Variants in SAMHD1 observed in about 807,000 individuals in gnomAD.
The protein encoded by SAMHD1 is SAM and HD domain containing deoxynucleoside triphosphate triphosphohydrolase 1.
SAMHD1 carries 54 observed loss-of-function variants against 79.6 expected under a neutral mutation model. That is an observed-to-expected ratio of 0.68 (90% CI 0.55 to 0.85). SAMHD1 has a LOEUF of 0.85. Among genes scored for constraint, SAMHD1 ranks in the 40% least tolerant of loss-of-function variants. The probability of loss-of-function intolerance (pLI) is 0.00; values close to 1 mark genes in which losing one functional copy is unlikely to be tolerated. For missense variants in SAMHD1, 663 were observed against 782.7 expected, an observed-to-expected ratio of 0.85 and a Z score of 1.82; for synonymous variants, 260 against 264.1, an observed-to-expected ratio of 0.98 and a Z score of 0.15.
At chr20:36,942,702 A>G (rs1354175247) in intron 2 of SAMHD1, among the ~76,000 whole-genome samples, 3 of 151,654 alleles carry the variant, frequency 2.0e-5, no homozygotes, top group Non-Finnish European at 2.9e-5. Flanking sequence ...GCTGGAGTGC[A>G]GTGACGTGAT....
At chr20:36,927,313 C>CA in intron 5 of SAMHD1, 61 bp from the exon 6 acceptor site, 1 of 1,187,534 alleles carries the variant, frequency 8.4e-7, no homozygotes, top group Non-Finnish European at 1.2e-6. Context: ...AAAACTTTTT[C>CA]CTTTTTTTTT....
Position 36,951,669 on chromosome 20 carries a change from A to T in SAMHD1, c.-26T>A. ...GGCTACACCTGGCGTCCGGCACAGC[A>T]GTCAAGAACCTCGGCGCCGGACCCG... On this transcript the variant is annotated 5_prime_UTR_variant, in exon 1 of 16. Transcript: ENST00000646673. 6.2e-7 allele frequency: 1 copy of T among 1,612,012 alleles called. No individual in the cohort carries two copies. The highest frequency in any genetic ancestry group is 8.5e-7 in the Non-Finnish European group (1 of 1,179,940).
chr20:36,908,121 C>A (rs1347613964), intron 11 of SAMHD1, among the ~76,000 whole-genome samples: 1 of 152,114 alleles, frequency 6.6e-6, no homozygotes, highest in Non-Finnish European at 1.5e-5. Context: ...AGTGATCCAC[C>A]TGCCTCAGCC....
chr20:36,894,911 C>T (rs1192707218), intron 15 of SAMHD1, among the ~76,000 whole-genome samples: 1 of 151,978 alleles, frequency 6.6e-6, no homozygotes, highest in Non-Finnish European at 1.5e-5. Context: ...CTTGCTCTAT[C>T]AACCAGGCTG....
At chr20:36,928,038 A>T (rs1048110003) in intron 5 of SAMHD1, among the ~76,000 whole-genome samples, 4 of 152,218 alleles carry the variant, frequency 2.6e-5, no homozygotes, top group African/African-American at 9.6e-5. Context: ...TTAATGCCAA[A>T]AACTTTTTGA....
At position 36,919,640 on chromosome 20, in the gene SAMHD1, C is replaced by T. The variant is rs2063494328; in HGVS notation, c.697-121G>A. On this transcript the variant is annotated intron_variant, in intron 6 of 15. Transcript: ENST00000646673. ...TAAAGGTCTATTGCATATTAATTCTCTAGTTTCTAACCACAATCTTAGGAA... is the reference window on the plus strand; with the variant it reads ...TAAAGGTCTATTGCATATTAATTCTTTAGTTTCTAACCACAATCTTAGGAA... The T allele has an allele frequency of 5.6e-6, 5 of 897,876 alleles. No homozygotes were observed. In the East Asian group the frequency reaches 1.3e-4, roughly 24 times the overall value. The allele number at this position is 897,876 out of a possible 1,614,324, so 55.6% of individuals were successfully genotyped here. A position where few individuals can be genotyped will look rare whatever the true frequency, so the allele number is the denominator to read the frequency against.
In SAMHD1 at chr20:36,935,072, CAT is replaced by C; in HGVS notation, c.464_465del (p.Tyr155CysfsTer11). 2 of 1,614,148 alleles carry C rather than the reference CAT, an allele frequency of 1.2e-6. No homozygotes were observed. Among genetic ancestry groups the C allele is most frequent in the Non-Finnish European group, 1.7e-6 (2 of 1,180,036 alleles). On this transcript the variant is annotated frameshift_variant, in exon 4 of 16. Transcript: ENST00000646673. LOFTEE classifies it high-confidence loss of function. Reference protein sequence around the residue: ...RYIKQLGGGYYVFPGASHNRF... With the variant: ...RYIKQLGGGYXVFPGASHNRF... The stretch of plus-strand genomic sequence containing the variant: ...CGATTGTGTGAAGCTCCTGGAAAAA[CAT>C]AGTAACCACCTCCCAGCTGTTTGAT...
Position 36,910,711 on chromosome 20 carries a change from C to T in SAMHD1, c.1270+507G>A, listed in dbSNP as rs1419683002. 2.8e-5 allele frequency among the ~76,000 whole-genome samples: 4 copies of T among 143,960 alleles called. No individual in the cohort carries two copies. In the Admixed American group the frequency reaches 2.9e-4, roughly 10 times the overall value. The allele number at this position is 143,960 out of a possible 152,430, so 94.4% of individuals were successfully genotyped here. ...TGCCAGTGCACTCCAGCCTAGGTGA[C>T]AGAGCGAGACTCCATCTCCAAAAAA... On this transcript the variant is annotated intron_variant, in intron 11 of 15. Transcript: ENST00000646673.
chr20:36,941,808 C>T (rs1427432496), intron 2 of SAMHD1, among the ~76,000 whole-genome samples: 1 of 152,032 alleles, frequency 6.6e-6, no homozygotes, highest in African/African-American at 2.4e-5. Context: ...CTACATTGGC[C>T]TCTATGGTAC....
At chr20:36,932,007 C>A (rs576165285) in intron 4 of SAMHD1, among the ~76,000 whole-genome samples, 2 of 151,758 alleles carry the variant, frequency 1.3e-5, no homozygotes, top group Admixed American at 6.6e-5. Context: ...GGGCCGGGTG[C>A]GGTGGCTTAT....
At chr20:36,923,676 G>A (rs543469592) in intron 6 of SAMHD1, among the ~76,000 whole-genome samples, 113 of 152,230 alleles carry the variant, frequency 7.4e-4, no homozygotes, top group African/African-American at 2.5e-3. Context: ...ATACCCAGGT[G>A]TGACGGTGCA....
At chr20:36,897,541 G>T in intron 15 of SAMHD1, 1 of 470,272 alleles carries the variant, frequency 2.1e-6, no homozygotes, top group South Asian at 2.1e-5. Context: ...ACCTTCCAGG[G>T]CCACTGGTGA....
Position 36,911,325 on chromosome 20 carries a change from T to A in SAMHD1, c.1163A>T (p.Asp388Val). The A allele has an allele frequency of 6.2e-7, 1 of 1,604,558 alleles. No homozygotes were observed. Among genetic ancestry groups the A allele is most frequent in the Non-Finnish European group, 8.5e-7 (1 of 1,173,472 alleles). The change falls in exon 11 of 16, where the codon GAT becomes GTT. Residue 388 changes from aspartate to valine, a missense_variant. By Grantham distance (152) the Asp-to-Val change is radical. Transcript: ENST00000646673. ...VGNIIDTMIT[D>V]AFLKADDYIE... ...GTAGTCATCTGCTTTGAGGAAAGCA[T>A]CTGTAATCCTAAAAATCATTTTGCA...
chr20:36,921,406 A>AAC (rs1555834627), intron 6 of SAMHD1, among the ~76,000 whole-genome samples: 3 of 151,752 alleles, frequency 2.0e-5, no homozygotes, highest in East Asian at 1.9e-4. Flanking sequence ...AAAAAAAAAA[A>AAC]AAAAAACGAA....
chr20:36,945,552 C>T (rs1360567872), intron 2 of SAMHD1, among the ~76,000 whole-genome samples: 1 of 152,114 alleles, frequency 6.6e-6, no homozygotes, highest in Non-Finnish European at 1.5e-5. Context: ...TTGGTCACTA[C>T]AAACTTGATG....
intron 3 of SAMHD1, among the ~76,000 whole-genome samples, chr20:36,938,541 A>G (rs1395356785): frequency 6.6e-6 from 1 of 151,904 alleles, no homozygotes; most frequent in African/African-American, 2.4e-5. Flanking sequence ...CTCCCTCTCA[A>G]AACAACAAAA....
chr20:36,931,343 T>C (rs1205467887), intron 4 of SAMHD1, among the ~76,000 whole-genome samples: 3 of 152,156 alleles, frequency 2.0e-5, no homozygotes, highest in Non-Finnish European at 2.9e-5. Context: ...AAAGTAGGTC[T>C]TGAAAAGATT....
Position 36,951,631 on chromosome 20 carries a change from C to T in SAMHD1, c.13G>A (p.Asp5Asn). 6.2e-7 allele frequency: 1 copy of T among 1,613,720 alleles called. No homozygotes were observed. The highest frequency in any genetic ancestry group is 8.5e-7 in the Non-Finnish European group (1 of 1,179,992). ...GGACGCTTGGAGGGCTGCTCGGAAT[C>T]GGCTCGCTGCATGGCTACACCTGGC... Reference protein sequence around the residue: MQRADSEQPSKRPRC... With the variant: MQRANSEQPSKRPRC... Residue 5 changes from aspartate to asparagine, a missense_variant, in exon 1 of 16, where the codon GAT becomes AAT. Coordinates refer to ENST00000646673, the MANE Select transcript of SAMHD1 (RefSeq NM_015474.4).
At position 36,917,019 on chromosome 20, in the gene SAMHD1, T is replaced by C. The variant is rs2146117130; in HGVS notation, c.883A>G (p.Ser295Gly). Residue 295 changes from serine (S) to glycine (G), a missense_variant, in exon 8 of 16, where the codon AGC (serine) becomes GGC (glycine). By Grantham distance (56) the Ser-to-Gly change is moderately conservative. Coordinates refer to ENST00000646673, the MANE Select transcript of SAMHD1 (RefSeq NM_015474.4). Reference sequence around the variant, plus strand: ...TTAGATACTATCTCATAAAGGAAGCTTTTGTTTTCAGGACGCCCTTTATAT... The same window carrying C: ...TTAGATACTATCTCATAAAGGAAGCCTTTGTTTTCAGGACGCCCTTTATAT... ...WPYKGRPENK[S>G]FLYEIVSNKR... 6.2e-7 allele frequency: 1 copy of C among 1,614,006 alleles called. No homozygotes were observed. Among genetic ancestry groups the C allele is most frequent in the Non-Finnish European group, 8.5e-7 (1 of 1,179,908 alleles).
Sources: gnomAD v4.1 joint callset for allele counts (sites outside exome capture counted in the v4.1 genomes callset) on GRCh38, gnomAD v4.1.1 for gene constraint, MANE v1.5 for transcripts, NCBI Gene and HGNC (gene_info 2026-07-23, HGNC 2026-07-21) for gene names.